Variants in CNTLN observed in about 807,000 individuals in gnomAD.
CNTLN encodes centlein, also known as centlein, centrosomal protein.
CNTLN carries 212 observed loss-of-function variants against 180.0 expected under a neutral mutation model. The ratio of observed to expected loss-of-function variants is 1.18; its 90% CI spans 1.05 to 1.32. CNTLN has a LOEUF of 1.32. Among genes scored for constraint, CNTLN ranks in the 40% most tolerant of loss-of-function variants. CNTLN has a pLI of 0.00. For missense variants in CNTLN, 2,095 were observed against 1,610.9 expected (o/e 1.30, Z -5.14); for synonymous variants, 722 against 563.1 (o/e 1.28, Z -3.99).
intron 6 of CNTLN, among the ~76,000 whole-genome samples, chr9:17,274,977 T>C (rs1828216792): frequency 6.6e-6 from 1 of 152,098 alleles, no homozygotes; most frequent in Non-Finnish European, 1.5e-5. Context: ...TTAAAAACTT[T>C]CTCATCATAA....
At position 17,455,193 on chromosome 9, in the gene CNTLN, G is replaced by T. The variant is rs181349909; in HGVS notation, c.3115-2331G>T. ...TCCACAATGCTAAGGAGAACCAAAG[G>T]TTTCCAAACTGATGGAATGTGTGAT... On this transcript the variant is annotated intron_variant, in intron 18 of 25. Transcript: ENST00000380647. Among the ~76,000 whole-genome samples the T allele has an allele frequency of 2.0e-5, 3 of 152,238 alleles. No individual in the cohort carries two copies. In the East Asian group the frequency reaches 5.8e-4, roughly 29 times the overall value.
intron 5 of CNTLN, among the ~76,000 whole-genome samples, chr9:17,242,970 A>G (rs1304403883): frequency 6.6e-6 from 1 of 151,912 alleles, no homozygotes; most frequent in East Asian, 1.9e-4. Flanking sequence ...AAGCTGGGAG[A>G]TGTCTTTTCT....
At chr9:17,260,470 A>C (rs1041571694) in intron 5 of CNTLN, among the ~76,000 whole-genome samples, 1 of 151,238 alleles carries the variant, frequency 6.6e-6, no homozygotes, top group Non-Finnish European at 1.5e-5. Flanking sequence ...TCTTTTGACA[A>C]GTGTCTGTTT....
chr9:17,470,840 A>G (rs1316915568), intron 23 of CNTLN, among the ~76,000 whole-genome samples: 1 of 152,046 alleles, frequency 6.6e-6, no homozygotes, highest in Non-Finnish European at 1.5e-5. Flanking sequence ...TTCATTATCA[A>G]TATGTACTTG....
chr9:17,171,738 C>T (rs1820433946), intron 2 of CNTLN, among the ~76,000 whole-genome samples: 1 of 152,006 alleles, frequency 6.6e-6, no homozygotes, highest in African/African-American at 2.4e-5. Context: ...ACAGGCACCC[C>T]CACCGGTTTG....
Position 17,502,820 on chromosome 9 carries a change from A to T in CNTLN, c.*168A>T, listed in dbSNP as rs917715767. 6 of 382,204 alleles carry T rather than the reference A, an allele frequency of 1.6e-5. No homozygotes were observed. Among genetic ancestry groups the T allele is most frequent in the African/African-American group, 1.3e-4 (6 of 47,198 alleles). The allele number at this position is 382,204 out of a possible 1,614,324, so 23.7% of individuals were successfully genotyped here. ...ATTAATTGCTGAACAAGTGAAACTA[A>T]TTAAGTACATAGCCATTTAAAAGGA... On this transcript the variant is annotated 3_prime_UTR_variant, in exon 26 of 26. Transcript: ENST00000380647.
At chr9:17,525,016 T>C in the CNTLN span, among the ~76,000 whole-genome samples, 397 of 152,290 alleles carry the variant, frequency 2.6e-3, 2 homozygotes, top group African/African-American at 9.0e-3. Flanking sequence ...AAAAACAAGA[T>C]CACTCTCAAA....
chr9:17,475,244 T>C (rs565478547), intron 23 of CNTLN, among the ~76,000 whole-genome samples: 1 of 152,012 alleles, frequency 6.6e-6, no homozygotes, highest in East Asian at 1.9e-4. Flanking sequence ...TGGTTAAATC[T>C]AAATCATTAT....
Position 17,135,072 on chromosome 9 carries a change from G to A in CNTLN, c.7G>A (p.Ala3Thr), listed in dbSNP as rs748865823. The A allele has an allele frequency of 3.1e-6, 5 of 1,597,020 alleles. No homozygotes were observed. In the East Asian group the frequency reaches 9.0e-5, roughly 29 times the overall value. The change falls in exon 1 of 26, where the codon GCG becomes ACG. Residue 3 changes from alanine to threonine, a missense_variant. Physicochemically the swap from Ala to Thr is moderately conservative, Grantham distance 58. Coordinates refer to ENST00000380647, the MANE Select transcript of CNTLN (RefSeq NM_017738.4). ...CCCGTTAGCAGCCGCAGCCATGGCG[G>A]CGCGTTCGCCTCCCTCACCGCACCC... MAARSPPSPHPSP... is the reference protein window; with the variant it reads MATRSPPSPHPSP...
At chr9:17,195,442 C>G (rs1822068816) in intron 2 of CNTLN, among the ~76,000 whole-genome samples, 1 of 152,046 alleles carries the variant, frequency 6.6e-6, no homozygotes, top group African/African-American at 2.4e-5. Context: ...TTTTGATATA[C>G]TTTCCCATCT....
At chr9:17,295,272 C>G (rs903413548) in intron 6 of CNTLN, among the ~76,000 whole-genome samples, 11 of 152,164 alleles carry the variant, frequency 7.2e-5, no homozygotes, top group African/African-American at 1.9e-4. Context: ...AAGAAGGGGA[C>G]TCCCAAGGTG....
intron 2 of CNTLN, among the ~76,000 whole-genome samples, chr9:17,155,824 A>T (rs1236635213): frequency 6.6e-6 from 1 of 151,878 alleles, no homozygotes; most frequent in African/African-American, 2.4e-5. Flanking sequence ...GTGTCTGCCC[A>T]ATTGGCTGCC....
rs929440397 is a variant in CNTLN at position 17,502,662 on chromosome 9, G to T, written c.*10G>T. The T allele has an allele frequency of 1.2e-5, 13 of 1,119,526 alleles. No individual in the cohort carries two copies. The African/African-American group carries it at 1.8e-4, about 16-fold the overall frequency. 69.3% of individuals were successfully genotyped at this position (1,119,526 alleles called of 1,614,324 possible). A position where few individuals can be genotyped will look rare whatever the true frequency, so the allele number is the denominator to read the frequency against. On this transcript the variant is annotated 3_prime_UTR_variant, in exon 26 of 26. Transcript: ENST00000380647. ...GAAAGATATTAGATGATATTAAAAT[G>T]GAGAGCTTTATTGCAAATGTGAAAA...
intron 18 of CNTLN, among the ~76,000 whole-genome samples, chr9:17,417,363 T>A (rs1286875299): frequency 2.0e-5 from 3 of 152,192 alleles, no homozygotes; most frequent in Admixed American, 2.0e-4. Context: ...TAAATGACAT[T>A]GTTTTATATC....
chr9:17,135,109 C>A lies in CNTLN; in HGVS notation c.44C>A (p.Ala15Glu), dbSNP rs866556434. The change falls in exon 1 of 26, where the codon GCG (alanine) becomes GAG (glutamate). Residue 15 changes from alanine (A) to glutamate (E), a missense_variant. Transcript: ENST00000380647. ...CCCTCACCGCACCCTTCGCCCCCAG[C>A]GCGACAGCTGGGCCCCAGGTCCCCA... ...SPPSPHPSPP[A>E]RQLGPRSPRV... 5 of 1,605,978 alleles carry A rather than the reference C, an allele frequency of 3.1e-6. No individual in the cohort carries two copies. The highest frequency in any genetic ancestry group is 4.2e-6 in the Non-Finnish European group (5 of 1,177,816).
In CNTLN at chr9:17,394,817, A is replaced by T; in HGVS notation, c.2363A>T (p.Asn788Ile). The T allele has an allele frequency of 6.2e-7, 1 of 1,614,012 alleles. No homozygotes were observed. Among genetic ancestry groups the T allele is most frequent in the South Asian group, 1.1e-5 (1 of 91,070 alleles). The change falls in exon 15 of 26, where the codon AAT becomes ATT. Residue 788 changes from asparagine to isoleucine, a missense_variant. Physicochemically the swap from Asn to Ile is moderately radical, Grantham distance 149 (BLOSUM62 -3). Transcript: ENST00000380647. The stretch of plus-strand genomic sequence containing the variant: ...GAAGCTAATGCATTGAGAAATGAAA[A>T]TGAAGAGCTGATCAACCCAATGGAG... ...VAEANALRNENEELINPMEKS... is the reference protein window; with the variant it reads ...VAEANALRNEIEELINPMEKS...
chr9:17,208,685 C>T (rs191924171), intron 2 of CNTLN, among the ~76,000 whole-genome samples: 3 of 152,054 alleles, frequency 2.0e-5, no homozygotes, highest in African/African-American at 7.2e-5. Flanking sequence ...CTTCATGATT[C>T]AATTTTGGTA....
chr9:17,496,662 C>G (rs564655745), intron 25 of CNTLN, among the ~76,000 whole-genome samples: 19 of 152,304 alleles, frequency 1.2e-4, no homozygotes, highest in African/African-American at 4.3e-4. Flanking sequence ...GAGTTTGTAT[C>G]CATGTGATAA....
chr9:17,149,512 CTTTTT>C (rs55691769), intron 2 of CNTLN, among the ~76,000 whole-genome samples: 1 of 106,156 alleles, frequency 9.4e-6, no homozygotes, highest in Non-Finnish European at 1.9e-5. Context: ...TTCTTTCTTT[CTTTTT>C]TTTTTTTTTT....
Sources: allele counts gnomAD v4.1 joint callset (sites outside exome capture counted in the v4.1 genomes callset), GRCh38; gene constraint gnomAD v4.1.1; transcripts MANE v1.5; gene names NCBI Gene and HGNC (gene_info 2026-07-23, HGNC 2026-07-21).